ARHGEF18: variants seen among roughly 807,000 people sequenced by gnomAD.
ARHGEF18 encodes rho guanine nucleotide exchange factor 18.
ARHGEF18 carries 93 observed loss-of-function variants against 155.7 expected under a neutral mutation model. The observed-to-expected ratio is 0.60, with a 90% CI of 0.50 to 0.71. ARHGEF18 has a LOEUF of 0.71. ARHGEF18 is among the 30% of genes least tolerant of loss of function. The pLI, the probability that ARHGEF18 is intolerant of heterozygous loss-of-function variation, is 0.00. For missense variants in ARHGEF18, 1,593 were observed against 1,816.1 expected, an observed-to-expected ratio of 0.88 and a Z score of 2.23; for synonymous variants, 742 against 753.1, an observed-to-expected ratio of 0.99 and a Z score of 0.24.
At chr19:7,353,609 G>GA (rs1969208730) in intron 1 of ARHGEF18, among the ~76,000 whole-genome samples, 1 of 149,136 alleles carries the variant, frequency 6.7e-6, no homozygotes, top group African/African-American at 2.4e-5. Flanking sequence ...AAAAGAAAAA[G>GA]AAAAGAAAAG....
chr19:7,408,203 G>A (rs939050555), intron 10 of ARHGEF18, among the ~76,000 whole-genome samples: 6 of 151,872 alleles, frequency 4.0e-5, no homozygotes, highest in South Asian at 2.1e-4. Flanking sequence ...GCTTGAACTC[G>A]GGAGGTTGAA....
intron 3 of ARHGEF18, among the ~76,000 whole-genome samples, chr19:7,375,350 AAG>A (rs1970397956): frequency 1.4e-5 from 2 of 143,290 alleles, no homozygotes; most frequent in Admixed American, 6.7e-5. Flanking sequence ...AAGAAAAAGA[AAG>A]AAAAGGAAGG....
Position 7,462,053 on chromosome 19 carries a change from G to A in ARHGEF18, c.2453-99G>A. On this transcript the variant is annotated intron_variant, in intron 20 of 28. Transcript: ENST00000668164. This position sits in a 1 kb window ranked among gnomAD's most constrained non-coding sequence, Gnocchi z 4.4. ...AAGGGGGCAGCCTACCTCAGGGCAG[G>A]GCCAGCGGGGTTCCTCATCCTTAGG... 2 of 1,449,556 alleles carry A rather than the reference G, an allele frequency of 1.4e-6. No homozygotes were observed. Among genetic ancestry groups the A allele is most frequent in the South Asian group, 1.2e-5 (1 of 83,564 alleles). 89.8% of individuals were successfully genotyped at this position (1,449,556 alleles called of 1,614,324 possible).
chr19:7,450,290 T>G (rs1225935887), intron 15 of ARHGEF18, among the ~76,000 whole-genome samples: 11 of 65,942 alleles, frequency 1.7e-4, no homozygotes, highest in Non-Finnish European at 2.2e-4. Flanking sequence ...GGGATCTTGC[T>G]TTCTGTTTCC....
intron 8 of ARHGEF18, among the ~76,000 whole-genome samples, chr19:7,381,655 G>A (rs1970742483): frequency 1.3e-5 from 2 of 151,358 alleles, no homozygotes; most frequent in African/African-American, 4.9e-5. Context: ...TCCAGCCTGG[G>A]CAACAGAGTG....
chr19:7,450,919 GC>G (rs142806218), intron 15 of ARHGEF18, among the ~76,000 whole-genome samples: 3 of 1,308 alleles, frequency 2.3e-3, no homozygotes, highest in East Asian at 0.019. Flanking sequence ...AGATGTTAAT[GC>G]AGGATCTTGC....
chr19:7,393,675 G>A (rs1971528944), intron 10 of ARHGEF18, among the ~76,000 whole-genome samples: 1 of 151,842 alleles, frequency 6.6e-6, no homozygotes, highest in African/African-American at 2.4e-5. Context: ...GGTGCTGGGG[G>A]AAGCATCTGG....
At chr19:7,420,599 A>G (rs1441327576) in intron 10 of ARHGEF18, among the ~76,000 whole-genome samples, 3 of 152,176 alleles carry the variant, frequency 2.0e-5, no homozygotes, top group African/African-American at 7.2e-5. Context: ...TTTCCAAAGC[A>G]TTTGACTCTG....
chr19:7,470,820 A>C lies in ARHGEF18; in HGVS notation c.*522A>C. 2.5e-6 allele frequency: 1 copy of C among 401,148 alleles called. No individual in the cohort carries two copies. Among genetic ancestry groups the C allele is most frequent in the East Asian group, 3.6e-5 (1 of 28,050 alleles). The allele number at this position is 401,148 out of a possible 1,614,324, so 24.8% of individuals were successfully genotyped here. ...AGCATCTGTCCCCAGAATCAGGCAG[A>C]ATCCACTTCCCAAACAGAGCCCCAC... On this transcript the variant is annotated 3_prime_UTR_variant, in exon 29 of 29. Transcript: ENST00000668164. This position sits in a 1 kb window ranked among gnomAD's most constrained non-coding sequence, Gnocchi z 5.9.
intron 10 of ARHGEF18, among the ~76,000 whole-genome samples, chr19:7,413,503 G>A (rs997257604): frequency 3.3e-5 from 5 of 151,938 alleles, no homozygotes; most frequent in Admixed American, 6.6e-5. Context: ...GGGTTTCACC[G>A]TGTTGACCAG....
At chr19:7,424,151 C>T (rs1226809751) in intron 10 of ARHGEF18, among the ~76,000 whole-genome samples, 1 of 152,044 alleles carries the variant, frequency 6.6e-6, no homozygotes, top group Non-Finnish European at 1.5e-5. Flanking sequence ...CTCAGCCTCC[C>T]GAGTAGCTGG....
rs539557656 is a variant in ARHGEF18 at position 7,448,208 on chromosome 19, G to A, written c.1737+1040G>A. On this transcript the variant is annotated intron_variant, in intron 15 of 28. Coordinates refer to ENST00000668164, the MANE Select transcript of ARHGEF18 (RefSeq NM_001367823.1). ...CAGCCTGTCTTGCCTTGGGGATGCCGTCTGTCTCAAGGAGGGTTACTCCAG... is the reference window on the plus strand; with the variant it reads ...CAGCCTGTCTTGCCTTGGGGATGCCATCTGTCTCAAGGAGGGTTACTCCAG... Among the ~76,000 whole-genome samples the A allele has an allele frequency of 3.9e-5, 6 of 152,164 alleles. No homozygotes were observed. The East Asian group carries it at 5.8e-4, about 15-fold the overall frequency.
At chr19:7,355,781 C>T (rs187071857) in intron 1 of ARHGEF18, 19 of 931,558 alleles carry the variant, frequency 2.0e-5, no homozygotes, top group African/African-American at 8.9e-5. Context: ...CATCCCCCTT[C>T]GAGCTTTTTC....
Position 7,439,884 on chromosome 19 carries a change from G to T in ARHGEF18, c.968-460G>T, listed in dbSNP as rs1315465947. 5 of 1,223,264 alleles carry T rather than the reference G, an allele frequency of 4.1e-6. No individual in the cohort carries two copies. The East Asian group carries it at 1.2e-4, about 30-fold the overall frequency. 75.8% of individuals were successfully genotyped at this position (1,223,264 alleles called of 1,614,324 possible). ...GACCAAGGGAGAGCCTGGAGGGGTTGTTTTTTTTTTCTGTTTTATTCTATC... is the reference window on the plus strand; with the variant it reads ...GACCAAGGGAGAGCCTGGAGGGGTTTTTTTTTTTTTCTGTTTTATTCTATC... On this transcript the variant is annotated intron_variant, in intron 10 of 28. Coordinates refer to ENST00000668164, the MANE Select transcript of ARHGEF18 (RefSeq NM_001367823.1).
intron 13 of ARHGEF18, among the ~76,000 whole-genome samples, chr19:7,443,681 C>A (rs1259121393): frequency 1.3e-5 from 2 of 152,156 alleles, no homozygotes; most frequent in Non-Finnish European, 2.9e-5. Flanking sequence ...CAGGGACACA[C>A]ACAGATGTGA....
chr19:7,440,592 G>A lies in ARHGEF18; in HGVS notation c.1106+110G>A. 1.5e-6 allele frequency: 2 copies of A among 1,313,714 alleles called. No individual in the cohort carries two copies. The highest frequency in any genetic ancestry group is 2.0e-6 in the Non-Finnish European group (2 of 979,240). 81.4% of individuals were successfully genotyped at this position (1,313,714 alleles called of 1,614,324 possible). A position where few individuals can be genotyped will look rare whatever the true frequency, so the allele number is the denominator to read the frequency against. ...GACTTAGATCTGTGTGAATCCACACGGCAGCCCCCGTGCTAAGCAGAGAAA... is the reference window on the plus strand; with the variant it reads ...GACTTAGATCTGTGTGAATCCACACAGCAGCCCCCGTGCTAAGCAGAGAAA... On this transcript the variant is annotated intron_variant, in intron 11 of 28. Transcript: ENST00000668164. This position sits in a 1 kb window ranked among gnomAD's most constrained non-coding sequence, Gnocchi z 5.4.
chr19:7,410,401 C>T lies in ARHGEF18; in HGVS notation c.967+27198C>T, dbSNP rs201246840. On this transcript the variant is annotated intron_variant, in intron 10 of 28. Transcript: ENST00000668164. The stretch of plus-strand genomic sequence containing the variant: ...CTTGAAATATATATATATATACACA[C>T]ACACATACATACACACACACATATG... Among the ~76,000 whole-genome samples, 226 of 152,076 alleles carry T rather than the reference C, an allele frequency of 1.5e-3. 6 individuals carry two copies. The East Asian group carries it at 0.037, about 25-fold the overall frequency.
intron 10 of ARHGEF18, among the ~76,000 whole-genome samples, chr19:7,433,022 A>G (rs1335463771): frequency 2.0e-5 from 3 of 152,214 alleles, no homozygotes; most frequent in Non-Finnish European, 4.4e-5. Context: ...TTAGCTGGGC[A>G]TGGTATCACA....
intron 10 of ARHGEF18, among the ~76,000 whole-genome samples, chr19:7,417,624 G>T (rs1012684148): frequency 2.6e-5 from 4 of 152,310 alleles, no homozygotes; most frequent in African/African-American, 9.6e-5. Context: ...CTGAAACCAG[G>T]AGGCAGAAGT....
Sources: allele counts gnomAD v4.1 joint callset (sites outside exome capture counted in the v4.1 genomes callset), GRCh38; gene constraint gnomAD v4.1.1; non-coding constraint Gnocchi (gnomAD v3.1); transcripts MANE v1.5; gene names NCBI Gene and HGNC (gene_info 2026-07-23, HGNC 2026-07-21).